The following CDH13 variants were observed in gnomAD, a reference collection of about 807,000 sequenced individuals.
CDH13 encodes cadherin-13.
Under a neutral mutation model 63.8 loss-of-function variants are expected in CDH13, and 24 were observed. The ratio of observed to expected loss-of-function variants is 0.38; its 90% CI spans 0.27 to 0.53. The LOEUF (loss-of-function observed/expected upper bound fraction) is 0.53. Among genes scored for constraint, CDH13 ranks in the 20% least tolerant of loss-of-function variants. The pLI is 0.85. For synonymous variants in CDH13, 503 were observed against 355.3 expected (o/e 1.42, Z -4.67); for missense variants, 1,049 against 903.1 (o/e 1.16, Z -2.07).
chr16:83,107,734 G>A (rs1386038758), intron 3 of CDH13, among the ~76,000 whole-genome samples: 4 of 137,522 alleles, frequency 2.9e-5, no homozygotes, highest in Admixed American at 7.3e-5. Flanking sequence ...TTTTAGGTGG[G>A]TTTTTTTTTT....
intron 8 of CDH13, among the ~76,000 whole-genome samples, chr16:83,649,081 A>C (rs754666820): frequency 2.0e-5 from 3 of 152,206 alleles, no homozygotes; most frequent in Non-Finnish European, 4.4e-5. Flanking sequence ...CTCTGTGACT[A>C]TTCCTGTTTT....
chr16:83,401,439 G>A (rs1327018394), intron 6 of CDH13, among the ~76,000 whole-genome samples: 1 of 152,096 alleles, frequency 6.6e-6, no homozygotes, highest in African/African-American at 2.4e-5. Flanking sequence ...TTGAACCTGG[G>A]AGGCAGAGGT....
chr16:82,990,418 T>TACAA (rs1911517328), intron 2 of CDH13: 1 of 152,210 alleles, frequency 6.6e-6, no homozygotes, highest in Non-Finnish European at 1.5e-5. Flanking sequence ...GCCCATCTTG[T>TACAA]GATGGGCTGG....
At chr16:82,713,544 G>A (rs2032119057) in intron 1 of CDH13, among the ~76,000 whole-genome samples, 1 of 152,026 alleles carries the variant, frequency 6.6e-6, no homozygotes, top group Admixed American at 6.6e-5. Flanking sequence ...AGAATGGCAG[G>A]GTGGTCAAGA....
At position 83,134,573 on chromosome 16, in the gene CDH13, GA is replaced by G. The variant is rs2036197964; in HGVS notation, c.483+9073del. On this transcript the variant is annotated intron_variant, in intron 4 of 13. Coordinates refer to ENST00000567109, the MANE Select transcript of CDH13 (RefSeq NM_001257.5). ...AGAGAGAGAGAGAGAGAGAGAGAGA[GA>G]GAGAGAGAGAGAGAGAGAGTGAGTT... 4.1e-5 allele frequency among the ~76,000 whole-genome samples: 5 copies of G among 122,858 alleles called. 1 individual carries two copies. In the South Asian group the frequency reaches 1.0e-3, roughly 24 times the overall value. 80.6% of individuals were successfully genotyped at this position (122,858 alleles called of 152,430 possible). A position where few individuals can be genotyped will look rare whatever the true frequency, so the allele number is the denominator to read the frequency against.
chr16:83,145,119 T>A (rs1287747954), intron 4 of CDH13, among the ~76,000 whole-genome samples: 1 of 152,202 alleles, frequency 6.6e-6, no homozygotes, highest in Non-Finnish European at 1.5e-5. Context: ...AATTTATTTG[T>A]CTACATGAAG....
rs986563708 is a variant in CDH13, at chr16:82,860,325, G to A, written c.157+1852G>A. On this transcript the variant is annotated intron_variant, in intron 2 of 13. Coordinates refer to ENST00000567109, the MANE Select transcript of CDH13 (RefSeq NM_001257.5). The stretch of plus-strand genomic sequence containing the variant: ...GCTGGAAACAATCATACTTTGGGGG[G>A]ATCTTTTTAATTTAAAGTAAGCCAT... Among the ~76,000 whole-genome samples the A allele has an allele frequency of 4.3e-5, 6 of 140,206 alleles. No individual in the cohort carries two copies. In the East Asian group the frequency reaches 1.1e-3, roughly 25 times the overall value. 92.0% of individuals were successfully genotyped at this position (140,206 alleles called of 152,430 possible). A position where few individuals can be genotyped will look rare whatever the true frequency, so the allele number is the denominator to read the frequency against.
At chr16:83,077,177 TTTTC>T (rs2032902300) in intron 3 of CDH13, among the ~76,000 whole-genome samples, 1 of 133,486 alleles carries the variant, frequency 7.5e-6, no homozygotes. Context: ...CTTTTCTTTT[TTTTC>T]TTTTCTTTTT....
intron 10 of CDH13, among the ~76,000 whole-genome samples, chr16:83,709,376 A>G (rs1907655497): frequency 1.3e-5 from 2 of 152,198 alleles, no homozygotes; most frequent in South Asian, 2.1e-4. Flanking sequence ...CTTCCAATCT[A>G]TGAGGGTTCC....
intron 1 of CDH13, among the ~76,000 whole-genome samples, chr16:82,837,361 A>G (rs942883343): frequency 3.3e-5 from 5 of 152,148 alleles, no homozygotes; most frequent in Non-Finnish European, 7.3e-5. Flanking sequence ...CTGGCACAGA[A>G]CAAATGAATG....
At position 83,147,238 on chromosome 16, in the gene CDH13, A is replaced by C. The variant is rs116193899; in HGVS notation, c.483+21737A>C. Among the ~76,000 whole-genome samples, 737 of 152,278 alleles carry C rather than the reference A, an allele frequency of 4.8e-3. 6 individuals carry two copies. Among genetic ancestry groups the C allele is most frequent in the African/African-American group, 0.017 (700 of 41,550 alleles). ...GTAGTCAACCACATGTTAAAGTTGAATTGTTCCGTCTTCTGTTTTCCACAT... is the reference window on the plus strand; with the variant it reads ...GTAGTCAACCACATGTTAAAGTTGACTTGTTCCGTCTTCTGTTTTCCACAT... On this transcript the variant is annotated intron_variant, in intron 4 of 13. Coordinates refer to ENST00000567109, the MANE Select transcript of CDH13 (RefSeq NM_001257.5).
chr16:83,513,759 C>G (rs749670796), intron 7 of CDH13, among the ~76,000 whole-genome samples: 1 of 152,130 alleles, frequency 6.6e-6, no homozygotes. Context: ...ATTATGGGAA[C>G]TACAATTCAA....
intron 1 of CDH13, among the ~76,000 whole-genome samples, chr16:82,661,115 G>C (rs577961525): frequency 6.6e-6 from 1 of 152,284 alleles, no homozygotes; most frequent in South Asian, 2.1e-4. Flanking sequence ...TTTCATGCTG[G>C]AGGGATACAG....
chr16:83,291,796 A>G (rs542553846), intron 5 of CDH13, among the ~76,000 whole-genome samples: 4 of 152,268 alleles, frequency 2.6e-5, no homozygotes, highest in African/African-American at 9.6e-5. Flanking sequence ...TATTCGGGAA[A>G]ATGCCCTGAG....
At chr16:83,364,375 A>G (rs1460054930) in intron 6 of CDH13, among the ~76,000 whole-genome samples, 1 of 152,210 alleles carries the variant, frequency 6.6e-6, no homozygotes, top group African/African-American at 2.4e-5. Context: ...ATACAGAGCC[A>G]TGATTTTCAT....
At chr16:83,435,226 C>T (rs1455332122) in intron 6 of CDH13, among the ~76,000 whole-genome samples, 1 of 151,822 alleles carries the variant, frequency 6.6e-6, no homozygotes, top group African/African-American at 2.4e-5. Flanking sequence ...GTATTTTTAG[C>T]AGAAACGGGG....
At chr16:83,166,261 T>C (rs1252735428) in intron 4 of CDH13, among the ~76,000 whole-genome samples, 5 of 152,108 alleles carry the variant, frequency 3.3e-5, no homozygotes. Flanking sequence ...AGGTATGAAA[T>C]ACCAGACCTG....
intron 2 of CDH13, among the ~76,000 whole-genome samples, chr16:82,890,692 C>G (rs181116607): frequency 6.8e-6 from 1 of 147,572 alleles, no homozygotes; most frequent in African/African-American, 2.5e-5. Context: ...TGCTCTGTAG[C>G]CCAGGCTAGA....
intron 10 of CDH13, among the ~76,000 whole-genome samples, chr16:83,741,911 G>T (rs1912103345): frequency 6.6e-6 from 1 of 152,172 alleles, no homozygotes; most frequent in Admixed American, 6.5e-5. Context: ...CTCCTTATGA[G>T]AATCTAATGC....
Sources: gnomAD v4.1 joint callset for allele counts (sites outside exome capture counted in the v4.1 genomes callset) on GRCh38, gnomAD v4.1.1 for gene constraint, MANE v1.5 for transcripts, NCBI Gene and HGNC (gene_info 2026-07-23, HGNC 2026-07-21) for gene names.